MAGI2: variants seen among roughly 807,000 people sequenced by gnomAD.
MAGI2 encodes the protein membrane-associated guanylate kinase, WW and PDZ domain-containing protein 2.
A neutral mutation model predicts 133.3 loss-of-function variants in MAGI2; 35 were observed. That is an observed-to-expected ratio of 0.26 (90% confidence interval 0.20 to 0.35). The LOEUF (loss-of-function observed/expected upper bound fraction) is 0.35, where lower values mean the gene tolerates loss of function less well. MAGI2 is among the 10% of genes least tolerant of loss of function. The pLI is 1.00. For missense variants in MAGI2, 1,636 were observed against 1,863.4 expected, an observed-to-expected ratio of 0.88 and a Z score of 2.25; for synonymous variants, 729 against 710.6, an observed-to-expected ratio of 1.03 and a Z score of -0.41.
At chr7:78,287,827 T>A (rs1180797898) in intron 9 of MAGI2, among the ~76,000 whole-genome samples, 2 of 152,170 alleles carry the variant, frequency 1.3e-5, no homozygotes, top group African/African-American at 4.8e-5. Flanking sequence ...CTAACCTACT[T>A]TAAGTAGGAG....
intron 6 of MAGI2, among the ~76,000 whole-genome samples, chr7:78,373,714 A>G (rs964794312): frequency 6.6e-5 from 10 of 152,128 alleles, no homozygotes. Context: ...TGAGCATAGT[A>G]GCACAGAGCA....
intron 10 of MAGI2, chr7:78,254,481 A>G (rs1486428962): frequency 6.6e-6 from 1 of 152,232 alleles, no homozygotes; most frequent in South Asian, 2.1e-4. Flanking sequence ...CCAACATTTA[A>G]TTATGAGAAT....
At chr7:79,199,859 T>G (rs28404386) in intron 1 of MAGI2, among the ~76,000 whole-genome samples, 25,436 of 151,624 alleles carry the variant, frequency 0.17, 5,312 homozygotes, top group African/African-American at 0.49. Context: ...TGGGATGGAG[T>G]AAGTTTCTTT....
chr7:79,097,958 C>T (rs1204035989), intron 1 of MAGI2, among the ~76,000 whole-genome samples: 1 of 152,028 alleles, frequency 6.6e-6, no homozygotes, highest in Non-Finnish European at 1.5e-5. Flanking sequence ...CCCATCTCTA[C>T]CAAAAATACA....
chr7:78,189,072 A>C (rs1827966849), intron 12 of MAGI2, among the ~76,000 whole-genome samples: 2 of 152,192 alleles, frequency 1.3e-5, no homozygotes, highest in Non-Finnish European at 2.9e-5. Context: ...GACAGTGCAA[A>C]CTACAACTCT....
At position 79,016,506 on chromosome 7, in the gene MAGI2, C is replaced by T. The variant is rs1440309224; in HGVS notation, c.302-9300G>A. 3.3e-5 allele frequency among the ~76,000 whole-genome samples: 5 copies of T among 152,108 alleles called. No homozygotes were observed. The East Asian group carries it at 9.7e-4, about 29-fold the overall frequency. ...AATAGAGTGTCCCTGCAAACATGCACCTGTCCACCTATGCCCTTCTCCTAC... is the reference window on the plus strand; with the variant it reads ...AATAGAGTGTCCCTGCAAACATGCATCTGTCCACCTATGCCCTTCTCCTAC... On this transcript the variant is annotated intron_variant, in intron 1 of 21. Coordinates refer to ENST00000354212, the MANE Select transcript of MAGI2 (RefSeq NM_012301.4).
intron 1 of MAGI2, among the ~76,000 whole-genome samples, chr7:79,095,269 C>T (rs535103977): frequency 5.3e-5 from 8 of 152,174 alleles, no homozygotes; most frequent in South Asian, 4.1e-4. Context: ...CAAGACAGTG[C>T]GGTGGCTTGT....
At chr7:78,107,958 G>C (rs746255634) in intron 20 of MAGI2, among the ~76,000 whole-genome samples, 3 of 150,326 alleles carry the variant, frequency 2.0e-5, no homozygotes, top group African/African-American at 7.3e-5. Context: ...ATCCTTTTTT[G>C]GTTTCAATTT....
chr7:78,747,458 T>C (rs1440960333), intron 2 of MAGI2, among the ~76,000 whole-genome samples: 1 of 151,672 alleles, frequency 6.6e-6, no homozygotes, highest in African/African-American at 2.4e-5. Context: ...GATGAGGTGA[T>C]AAAACCCTTA....
At chr7:78,564,783 CT>C (rs35069216) in intron 3 of MAGI2, among the ~76,000 whole-genome samples, 443 of 64,314 alleles carry the variant, frequency 6.9e-3, no homozygotes, top group African/African-American at 0.025. Context: ...CTTTGACATT[CT>C]TTTTTTTTTT....
rs889851744 is a variant in MAGI2 at position 79,110,407 on chromosome 7, G to A, written c.302-103201C>T. 3.3e-5 allele frequency among the ~76,000 whole-genome samples: 5 copies of A among 152,202 alleles called. No homozygotes were observed. The East Asian group carries it at 9.7e-4, about 29-fold the overall frequency. On this transcript the variant is annotated intron_variant, in intron 1 of 21. Coordinates refer to ENST00000354212, the MANE Select transcript of MAGI2 (RefSeq NM_012301.4). The stretch of plus-strand genomic sequence containing the variant: ...CCTAAATATGGGACATGGAGTCAAA[G>A]GAGATTATTTTGGAGCCTTAAGATT...
chr7:78,419,976 C>T (rs1342792079), intron 6 of MAGI2, among the ~76,000 whole-genome samples: 1 of 152,084 alleles, frequency 6.6e-6, no homozygotes, highest in Non-Finnish European at 1.5e-5. Flanking sequence ...CTAATTTGTC[C>T]TCACAGGATA....
intron 2 of MAGI2, among the ~76,000 whole-genome samples, chr7:78,697,363 G>A (rs1817629833): frequency 6.6e-6 from 1 of 152,090 alleles, no homozygotes; most frequent in Non-Finnish European, 1.5e-5. Context: ...ATTTTGATAG[G>A]AAGTATTATG....
intron 1 of MAGI2, among the ~76,000 whole-genome samples, chr7:79,247,455 A>C (rs755961753): frequency 9.2e-5 from 14 of 152,138 alleles, no homozygotes; most frequent in Non-Finnish European, 2.1e-4. Flanking sequence ...TCTCTAAAAA[A>C]ATAAAAAATT....
intron 21 of MAGI2, among the ~76,000 whole-genome samples, chr7:78,046,233 TAAAA>T (rs59275049): frequency 3.4e-5 from 4 of 117,770 alleles, no homozygotes; most frequent in South Asian, 5.6e-4. Flanking sequence ...CTGTCTCTAC[TAAAA>T]AAAAAAAAAA....
At chr7:79,311,583 C>G (rs758651837) in intron 1 of MAGI2, among the ~76,000 whole-genome samples, 13 of 152,018 alleles carry the variant, frequency 8.6e-5, no homozygotes, top group African/African-American at 1.2e-4. Context: ...GCCCCTATTT[C>G]CCTTCACTGC....
chr7:78,280,952 GA>G (rs2151011277), intron 9 of MAGI2, among the ~76,000 whole-genome samples: 1 of 151,528 alleles, frequency 6.6e-6, no homozygotes, highest in East Asian at 1.9e-4. Flanking sequence ...CACCATGGCA[GA>G]GCCATAATTG....
chr7:78,460,378 G>A lies in MAGI2; in HGVS notation c.1045+29383C>T, dbSNP rs150683114. 3.0e-3 allele frequency among the ~76,000 whole-genome samples: 461 copies of A among 152,260 alleles called. 3 individuals carry two copies. Among genetic ancestry groups the A allele is most frequent in the African/African-American group, 8.8e-3 (367 of 41,546 alleles). The stretch of plus-strand genomic sequence containing the variant: ...GGTTACTACATTTGGTAAAAACAAG[G>A]TACTTGTTCTAAGTGTCAAACTGAT... On this transcript the variant is annotated intron_variant, in intron 6 of 21. Transcript: ENST00000354212.
chr7:78,919,513 G>C (rs771790253), intron 2 of MAGI2, among the ~76,000 whole-genome samples: 4 of 152,020 alleles, frequency 2.6e-5, no homozygotes, highest in Non-Finnish European at 5.9e-5. Context: ...TAGCATAATA[G>C]CATTTCAACA....
Sources: allele counts gnomAD v4.1 joint callset (sites outside exome capture counted in the v4.1 genomes callset), GRCh38; gene constraint gnomAD v4.1.1; transcripts MANE v1.5; gene names NCBI Gene and HGNC (gene_info 2026-07-23, HGNC 2026-07-21).